AGO3: variants seen among roughly 807,000 people sequenced by gnomAD.
AGO3 encodes the protein argonaute RISC catalytic component 3, also known as protein argonaute-3.
AGO3 carries 16 observed loss-of-function variants against 105.5 expected under a neutral mutation model. The ratio of observed to expected loss-of-function variants is 0.15; its 90% CI spans 0.10 to 0.23. The LOEUF (loss-of-function observed/expected upper bound fraction) is 0.23, where lower values mean the gene tolerates loss of function less well. Among genes scored for constraint, AGO3 ranks in the 10% least tolerant of loss-of-function variants. The pLI, the probability that AGO3 is intolerant of heterozygous loss-of-function variation, is 1.00. For synonymous variants in AGO3, 340 were observed against 367.3 expected (o/e 0.93, Z 0.85); for missense variants, 534 against 1,088.0 (o/e 0.49, Z 7.16).
At chr1:36,040,095 T>C (rs1344143234) in intron 15 of AGO3, 111 bp downstream of exon 15, 7 of 1,274,544 alleles carry the variant, frequency 5.5e-6, no homozygotes, top group Non-Finnish European at 7.5e-6. Flanking sequence ...AGTCAAAACT[T>C]GGTGTTTTGT....
chr1:36,021,824 A>G (rs927247690), intron 11 of AGO3, among the ~76,000 whole-genome samples: 4 of 152,108 alleles, frequency 2.6e-5, no homozygotes, highest in Admixed American at 6.5e-5. Context: ...TCAATTTTCT[A>G]GTCAACAGAC....
At chr1:35,990,425 G>A (rs1015332048) in intron 5 of AGO3, among the ~76,000 whole-genome samples, 15 of 152,080 alleles carry the variant, frequency 9.9e-5, no homozygotes, top group African/African-American at 3.4e-4. Flanking sequence ...GGAGAATGGC[G>A]TGAACCCGGG....
intron 2 of AGO3, among the ~76,000 whole-genome samples, chr1:35,957,891 C>T (rs1051894654): frequency 6.6e-6 from 1 of 151,550 alleles, no homozygotes; most frequent in Non-Finnish European, 1.5e-5. Flanking sequence ...CATAGGGAGA[C>T]CCCTTCTGTA....
rs1204914097 is a variant in AGO3, at chr1:36,065,873, T to G, written c.*10128T>G. On this transcript the variant is annotated 3_prime_UTR_variant, in exon 19 of 19. Coordinates refer to ENST00000373191, the MANE Select transcript of AGO3 (RefSeq NM_024852.4). Reference sequence around the variant, plus strand: ...ATCCCAACACTTTGGGCAGCTGAGGTGAGCAGATCACCTGAGGTCAGGAGT... The same window carrying G: ...ATCCCAACACTTTGGGCAGCTGAGGGGAGCAGATCACCTGAGGTCAGGAGT... 6.6e-6 allele frequency: 1 copy of G among 151,620 alleles called. No individual in the cohort carries two copies. The highest frequency in any genetic ancestry group is 1.5e-5 in the Non-Finnish European group (1 of 67,990). 9.4% of individuals were successfully genotyped at this position (151,620 alleles called of 1,614,324 possible). A position where few individuals can be genotyped will look rare whatever the true frequency, so the allele number is the denominator to read the frequency against.
intron 3 of AGO3, among the ~76,000 whole-genome samples, chr1:35,970,871 A>G (rs933917278): frequency 5.9e-4 from 90 of 151,474 alleles, no homozygotes; most frequent in African/African-American, 2.1e-3. Flanking sequence ...CTAGGACCAC[A>G]GGTGTGCACC....
chr1:35,952,929 A>T (rs968830482), intron 2 of AGO3, among the ~76,000 whole-genome samples: 10 of 152,186 alleles, frequency 6.6e-5, no homozygotes, highest in African/African-American at 2.4e-4. Flanking sequence ...CATTGTATGG[A>T]TATAATACAT....
At chr1:36,032,174 A>G (rs980813040) in intron 12 of AGO3, among the ~76,000 whole-genome samples, 2 of 152,126 alleles carry the variant, frequency 1.3e-5, no homozygotes, top group Non-Finnish European at 2.9e-5. Flanking sequence ...GCCCACCAAC[A>G]GCGCACAGGA....
intron 12 of AGO3, among the ~76,000 whole-genome samples, chr1:36,029,448 G>A (rs1339553974): frequency 7.0e-6 from 1 of 143,816 alleles, no homozygotes; most frequent in African/African-American, 2.6e-5. Flanking sequence ...AGGTTGGAGT[G>A]CAGTGGTGCG....
intron 11 of AGO3, among the ~76,000 whole-genome samples, chr1:36,019,997 C>T (rs1446120674): frequency 6.6e-6 from 1 of 152,164 alleles, no homozygotes; most frequent in East Asian, 1.9e-4. Context: ...GTCTAAAACT[C>T]CTGACCTCAG....
At chr1:35,961,878 C>A (rs1646683025) in intron 2 of AGO3, among the ~76,000 whole-genome samples, 1 of 152,172 alleles carries the variant, frequency 6.6e-6, no homozygotes, top group Non-Finnish European at 1.5e-5. Flanking sequence ...TTTTCCACAG[C>A]AGCAGTGGGT....
At chr1:35,961,203 G>A (rs1646669716) in intron 2 of AGO3, among the ~76,000 whole-genome samples, 1 of 151,538 alleles carries the variant, frequency 6.6e-6, no homozygotes, top group Non-Finnish European at 1.5e-5. Context: ...CGCCTGCCTC[G>A]GCCCCCCAAA....
chr1:35,984,582 A>G (rs1344955808), intron 5 of AGO3: 1 of 152,108 alleles, frequency 6.6e-6, no homozygotes, highest in Non-Finnish European at 1.5e-5. Context: ...CCCATAGCAC[A>G]GTGTAATTCC....
chr1:35,946,249 A>C (rs1646363157), intron 2 of AGO3, among the ~76,000 whole-genome samples: 1 of 152,106 alleles, frequency 6.6e-6, no homozygotes, highest in Admixed American at 6.6e-5. Flanking sequence ...GGTGGTGATG[A>C]TAGCAGTTGG....
In AGO3 at chr1:36,056,194, A is replaced by G. The variant is rs1642911937; in HGVS notation, c.*449A>G. The G allele has an allele frequency of 1.3e-5, 2 of 155,892 alleles. No homozygotes were observed. Among genetic ancestry groups the G allele is most frequent in the Admixed American group, 1.3e-4 (2 of 15,676 alleles). The allele number at this position is 155,892 out of a possible 1,614,324, so 9.7% of individuals were successfully genotyped here. ...ATGTGCATTCATATATTCTTGTAAA[A>G]GGTGTCTGTGTATTTTTAAAATATA... is the stretch of plus-strand genomic sequence containing the variant. On this transcript the variant is annotated 3_prime_UTR_variant, in exon 19 of 19. Transcript: ENST00000373191.
chr1:36,049,526 AAAAAG>A (rs1489398691), intron 17 of AGO3, among the ~76,000 whole-genome samples: 5 of 152,166 alleles, frequency 3.3e-5, no homozygotes, highest in East Asian at 3.9e-4. Flanking sequence ...CAAAAAAAAA[AAAAAG>A]AAAAGAAAAA....
At chr1:35,945,957 G>C in intron 2 of AGO3, 94 bp downstream of exon 2, 1 of 1,286,984 alleles carries the variant, frequency 7.8e-7, no homozygotes, top group Non-Finnish European at 1.1e-6. Flanking sequence ...ATTACAATGT[G>C]TAACAGTTTG....
chr1:36,016,288 TCTC>T (rs1365853264), intron 11 of AGO3, among the ~76,000 whole-genome samples: 3 of 152,150 alleles, frequency 2.0e-5, no homozygotes, highest in African/African-American at 7.2e-5. Context: ...TTCAAGCGGT[TCTC>T]CTGCCTCAGC....
chr1:35,969,340 C>T (rs1299797123), intron 3 of AGO3, among the ~76,000 whole-genome samples: 2 of 152,086 alleles, frequency 1.3e-5, no homozygotes, highest in Non-Finnish European at 2.9e-5. Flanking sequence ...CGTTGATACA[C>T]AGAAGTTTTT....
chr1:35,958,206 T>C (rs1199157850), intron 2 of AGO3, among the ~76,000 whole-genome samples: 3 of 150,932 alleles, frequency 2.0e-5, no homozygotes, highest in Admixed American at 2.0e-4. Flanking sequence ...CATGGTGAAA[T>C]CCCGTTTCTA....
Sources: gnomAD v4.1 joint callset for allele counts (sites outside exome capture counted in the v4.1 genomes callset) on GRCh38, gnomAD v4.1.1 for gene constraint, MANE v1.5 for transcripts, NCBI Gene and HGNC (gene_info 2026-07-23, HGNC 2026-07-21) for gene names.